The following DENND2A variants were observed in gnomAD, a reference collection of about 807,000 sequenced individuals.
The protein encoded by DENND2A is DENN domain-containing protein 2A.
A neutral mutation model predicts 105.3 loss-of-function variants in DENND2A; 53 were observed. The observed-to-expected ratio is 0.50, with a 90% CI of 0.40 to 0.63. The LOEUF (loss-of-function observed/expected upper bound fraction) is 0.63, where lower values mean the gene tolerates loss of function less well. Among genes scored for constraint, DENND2A ranks in the 30% least tolerant of loss-of-function variants. The probability of loss-of-function intolerance (pLI) is 0.00; values close to 1 mark genes in which losing one functional copy is unlikely to be tolerated. For missense variants in DENND2A, 1,138 were observed against 1,279.6 expected (o/e 0.89, Z 1.69); for synonymous variants, 522 against 508.4 (o/e 1.03, Z -0.36).
intron 1 of DENND2A, among the ~76,000 whole-genome samples, chr7:140,636,339 CCA>C (rs1246581599): frequency 6.6e-6 from 1 of 152,186 alleles, no homozygotes; most frequent in Non-Finnish European, 1.5e-5. Flanking sequence ...CTCCTAACCC[CCA>C]GTCTTCAGCA....
chr7:140,596,768 A>G (rs894121284), intron 3 of DENND2A, among the ~76,000 whole-genome samples: 6 of 152,230 alleles, frequency 3.9e-5, no homozygotes, highest in Admixed American at 1.3e-4. Context: ...AAATTTAAAA[A>G]TCTGAATTCC....
chr7:140,605,049 G>A (rs1799641702), intron 2 of DENND2A, among the ~76,000 whole-genome samples: 1 of 152,184 alleles, frequency 6.6e-6, no homozygotes, highest in East Asian at 1.9e-4. Context: ...AACTTGAGAG[G>A]AACAAAGGAT....
intron 1 of DENND2A, among the ~76,000 whole-genome samples, chr7:140,617,971 C>T (rs1279216003): frequency 2.6e-5 from 4 of 152,192 alleles, no homozygotes; most frequent in Non-Finnish European, 5.9e-5. Context: ...AGTTTAGAAA[C>T]ACACTTTGGA....
intron 1 of DENND2A, among the ~76,000 whole-genome samples, chr7:140,636,684 C>CTTTTTTT (rs35563637): frequency 6.1e-5 from 6 of 98,382 alleles, no homozygotes; most frequent in African/African-American, 4.0e-5. Flanking sequence ...CCTCCCCAGC[C>CTTTTTTT]TTTTTTTTTT....
chr7:140,580,304 T>C (rs186550575), intron 5 of DENND2A, among the ~76,000 whole-genome samples: 1 of 144,108 alleles, frequency 6.9e-6, no homozygotes, highest in Admixed American at 7.0e-5. Context: ...TATGTATGCA[T>C]GTATGTATGC....
chr7:140,518,639 A>G lies in DENND2A; in HGVS notation c.*68T>C, dbSNP rs965343994. On this transcript the variant is annotated 3_prime_UTR_variant, in exon 20 of 20. Transcript: ENST00000496613. ...CAACCTGGGACCCAGCCTTTCAGAA[A>G]GGCCACCAGGAACTGTTTTTAAAGC... 3.3e-6 allele frequency: 5 copies of G among 1,536,368 alleles called. No individual in the cohort carries two copies. In the African/African-American group the frequency reaches 5.5e-5, roughly 17 times the overall value.
chr7:140,641,367 G>A (rs546928703), upstream of DENND2A: 1 of 152,806 alleles, frequency 6.5e-6, no homozygotes, highest in South Asian at 2.1e-4. Context: ...AAGCTTCCAA[G>A]AGGAGAAGTG....
rs1297319988 is a variant in DENND2A, at chr7:140,527,734, C to T, written c.2328-239G>A. 6.6e-6 allele frequency among the ~76,000 whole-genome samples: 1 copy of T among 152,158 alleles called. No individual in the cohort carries two copies. Among genetic ancestry groups the T allele is most frequent in the Non-Finnish European group, 1.5e-5 (1 of 68,030 alleles). ...ACGTCCTGGATAATTTTTACAAGTG[C>T]GTTTCCACATGTGAGCTGCACGCCC... is the stretch of plus-strand genomic sequence containing the variant. On this transcript the variant is annotated intron_variant, in intron 14 of 19. Transcript: ENST00000496613. The surrounding 1 kb of genome is among the most constrained non-coding windows in gnomAD (Gnocchi z 4.9).
chr7:140,530,074 A>T (rs1008626956), intron 14 of DENND2A, among the ~76,000 whole-genome samples: 1 of 151,860 alleles, frequency 6.6e-6, no homozygotes, highest in Admixed American at 6.6e-5. Context: ...AAAAAAAAAA[A>T]ATAGCCTTTG....
At chr7:140,576,376 C>G (rs1172612960) in intron 5 of DENND2A, among the ~76,000 whole-genome samples, 1 of 152,068 alleles carries the variant, frequency 6.6e-6, no homozygotes, top group Non-Finnish European at 1.5e-5. Context: ...ATTCCATTTT[C>G]TTCCAGATTT....
upstream of DENND2A, chr7:140,641,282 G>C (rs528789227): frequency 6.6e-6 from 1 of 152,526 alleles, no homozygotes; most frequent in South Asian, 2.1e-4. Flanking sequence ...CAGGTGATGG[G>C]GGCCGGGGAG....
intron 9 of DENND2A, among the ~76,000 whole-genome samples, chr7:140,565,250 C>G (rs1206380768): frequency 6.6e-6 from 1 of 151,976 alleles, no homozygotes; most frequent in African/African-American, 2.4e-5. Flanking sequence ...AGGACAGAAG[C>G]TCCCTCCCTT....
intron 2 of DENND2A, among the ~76,000 whole-genome samples, chr7:140,605,131 G>A (rs1799645193): frequency 6.6e-6 from 1 of 152,164 alleles, no homozygotes; most frequent in South Asian, 2.1e-4. Context: ...ACTGTCCTAC[G>A]AGTCCCCAAG....
chr7:140,575,731 G>C (rs1311472777), intron 5 of DENND2A, among the ~76,000 whole-genome samples: 1 of 152,278 alleles, frequency 6.6e-6, no homozygotes, highest in Admixed American at 6.5e-5. Context: ...ACTTTGGGAG[G>C]CTGAGGTGGG....
rs1171488777 is a variant in DENND2A at position 140,555,561 on chromosome 7, TG to T, written c.2037+74del. 6.3e-5 allele frequency: 82 copies of T among 1,299,748 alleles called. No homozygotes were observed. The South Asian group carries it at 9.8e-4, about 16-fold the overall frequency. The allele number at this position is 1,299,748 out of a possible 1,614,324, so 80.5% of individuals were successfully genotyped here. Reference sequence around the variant, plus strand: ...ATAAGATGATAGAAGGCCCAGGACATGGGGGTATTCCCTGGAGCCCTCTAGA... The same window carrying T: ...ATAAGATGATAGAAGGCCCAGGACATGGGGTATTCCCTGGAGCCCTCTAGA... On this transcript the variant is annotated intron_variant, in intron 12 of 19. Coordinates refer to ENST00000496613, the MANE Select transcript of DENND2A (RefSeq NM_015689.5).
intron 8 of DENND2A, 135 bp downstream of exon 8, chr7:140,568,628 T>G: frequency 1.2e-6 from 1 of 836,950 alleles, no homozygotes. Flanking sequence ...GTGGCCCCAC[T>G]GTCTCCCGAG....
rs546990427 is a variant in DENND2A, at chr7:140,635,528, C to G, written c.-248+4976G>C. ...GTTGCGGCTCCCTGTACTGGCCCCA[C>G]TCTCCAGCCAATGATCCCTGCTTTC... On this transcript the variant is annotated intron_variant, in intron 1 of 19. Transcript: ENST00000496613. Among the ~76,000 whole-genome samples, 3 of 152,226 alleles carry G rather than the reference C, an allele frequency of 2.0e-5. No individual in the cohort carries two copies. The South Asian group carries it at 6.2e-4, about 32-fold the overall frequency.
At chr7:140,586,366 AACACACACAC>A (rs10524571) in intron 4 of DENND2A, among the ~76,000 whole-genome samples, 34 of 139,628 alleles carry the variant, frequency 2.4e-4, no homozygotes, top group African/African-American at 4.0e-4. Context: ...TAAAAAAGAA[AACACACACAC>A]ACACACACAC....
intron 1 of DENND2A, among the ~76,000 whole-genome samples, chr7:140,606,697 C>T (rs1251048234): frequency 6.6e-6 from 1 of 152,158 alleles, no homozygotes; most frequent in Non-Finnish European, 1.5e-5. Context: ...TCTGTCTGGT[C>T]TAAGGAACAC....
Sources: gnomAD v4.1 joint callset for allele counts (sites outside exome capture counted in the v4.1 genomes callset) on GRCh38, gnomAD v4.1.1 for gene constraint, Gnocchi (gnomAD v3.1) non-coding constraint, MANE v1.5 for transcripts, NCBI Gene and HGNC (gene_info 2026-07-23, HGNC 2026-07-21) for gene names.